SYNCRIP: variants seen among roughly 807,000 people sequenced by gnomAD.
SYNCRIP encodes the protein heterogeneous nuclear ribonucleoprotein Q.
In SYNCRIP, 9 loss-of-function variants were observed where a neutral mutation model predicts 68.9. That is an observed-to-expected ratio of 0.13 (90% CI 0.08 to 0.23). SYNCRIP has a LOEUF of 0.23. Among genes scored for constraint, SYNCRIP ranks in the 10% least tolerant of loss-of-function variants. The probability of loss-of-function intolerance (pLI) is 1.00; values close to 1 mark genes in which losing one functional copy is unlikely to be tolerated. For synonymous variants in SYNCRIP, 258 were observed against 254.0 expected (o/e 1.02, Z -0.15); for missense variants, 414 against 770.6 (o/e 0.54, Z 5.48).
intron 6 of SYNCRIP, among the ~76,000 whole-genome samples, chr6:85,635,103 T>C (rs907980990): frequency 6.6e-6 from 1 of 152,046 alleles, no homozygotes; most frequent in African/African-American, 2.4e-5. Context: ...AGGCAGAGAT[T>C]ACAGTGAGCC....
At position 85,614,578 on chromosome 6, in the gene SYNCRIP, A is replaced by C; in HGVS notation, c.*178T>G. ...TTTATTGAAAAAAATTAAAAATAAA[A>C]TCAGTTCGCCAGAAGCAGTTAGAAG... On this transcript the variant is annotated 3_prime_UTR_variant, in exon 11 of 11. Transcript: ENST00000369622. 7.8e-7 allele frequency: 1 copy of C among 1,290,130 alleles called. No homozygotes were observed. The highest frequency in any genetic ancestry group is 1.5e-5 in the African/African-American group (1 of 65,234). 79.9% of individuals were successfully genotyped at this position (1,290,130 alleles called of 1,614,324 possible). A position where few individuals can be genotyped will look rare whatever the true frequency, so the allele number is the denominator to read the frequency against.
At chr6:85,627,128 A>G (rs978418521) in intron 6 of SYNCRIP, among the ~76,000 whole-genome samples, 1 of 151,838 alleles carries the variant, frequency 6.6e-6, no homozygotes, top group Non-Finnish European at 1.5e-5. Context: ...ATTAGCCGGG[A>G]GTGGTGGCAG....
In SYNCRIP at chr6:85,615,021, C is replaced by G; in HGVS notation, c.1607G>C (p.Arg536Pro). 6.2e-7 allele frequency: 1 copy of G among 1,613,912 alleles called. No homozygotes were observed. Among genetic ancestry groups the G allele is most frequent in the Non-Finnish European group, 8.5e-7 (1 of 1,179,926 alleles). The change falls in exon 11 of 11, where the codon CGA becomes CCA. Residue 536 changes from arginine to proline, a missense_variant. Coordinates refer to ENST00000369622, the MANE Select transcript of SYNCRIP (RefSeq NM_006372.5). ...TTGTTGGGCACCTCCTCTCGCACCT[C>G]GAACGCCTCTTGCTGATCCAGGACC... is the stretch of plus-strand genomic sequence containing the variant. ...RGGPGSARGV[R>P]GARGGAQQQR...
intron 4 of SYNCRIP, among the ~76,000 whole-genome samples, chr6:85,639,470 C>T (rs1282012065): frequency 6.6e-6 from 1 of 152,114 alleles, no homozygotes; most frequent in African/African-American, 2.4e-5. Context: ...CTCCATATAC[C>T]AACCTTTTCC....
At chr6:85,607,934 A>T (rs1167333676), downstream of SYNCRIP, 1 of 152,120 alleles carries the variant, frequency 6.6e-6, no homozygotes, top group African/African-American at 2.4e-5. Context: ...TGACCTAAAA[A>T]GTCTTGTCCT....
intron 2 of SYNCRIP, among the ~76,000 whole-genome samples, chr6:85,640,802 T>C (rs775202133): frequency 1.3e-5 from 2 of 152,116 alleles, no homozygotes; most frequent in Admixed American, 6.5e-5. Context: ...ATCTCCAAAG[T>C]CTGATAACTC....
At chr6:85,621,739 G>A (rs985596854) in intron 8 of SYNCRIP, among the ~76,000 whole-genome samples, 1 of 152,088 alleles carries the variant, frequency 6.6e-6, no homozygotes, top group Non-Finnish European at 1.5e-5. Flanking sequence ...CTGAAGTCAG[G>A]ATACCTAATA....
downstream of SYNCRIP, chr6:85,611,795 C>T (rs200123336): frequency 9.2e-5 from 14 of 152,670 alleles, no homozygotes; most frequent in East Asian, 2.7e-3. Context: ...AAGAAATGCA[C>T]TAATGAAACA....
At chr6:85,623,581 A>AAAAAAC (rs1562087833) in intron 7 of SYNCRIP, among the ~76,000 whole-genome samples, 1 of 150,912 alleles carries the variant, frequency 6.6e-6, no homozygotes, top group Non-Finnish European at 1.5e-5. Context: ...AAAAAAAAAA[A>AAAAAAC]AACACTCTGC....
chr6:85,629,877 G>A lies in SYNCRIP; in HGVS notation c.667-5765C>T, dbSNP rs544300713. ...CGGGCTCCTGTAGTCCCAGCTACTC[G>A]GGAGGCCGAGGCAGCAGAATCTCCT... is the stretch of plus-strand genomic sequence containing the variant. On this transcript the variant is annotated intron_variant, in intron 6 of 10. Coordinates refer to ENST00000369622, the MANE Select transcript of SYNCRIP (RefSeq NM_006372.5). Among the ~76,000 whole-genome samples the A allele has an allele frequency of 2.0e-3, 306 of 151,950 alleles. 1 individual carries two copies. Among genetic ancestry groups the A allele is most frequent in the Middle Eastern group, 6.8e-3 (2 of 294 alleles).
chr6:85,638,077 A>T (rs935717429), intron 4 of SYNCRIP, among the ~76,000 whole-genome samples: 2 of 152,174 alleles, frequency 1.3e-5, no homozygotes, highest in Non-Finnish European at 2.9e-5. Flanking sequence ...TAGGCAAAGT[A>T]TAGAAAGAAG....
At chr6:85,640,669 C>T (rs1189416438) in intron 2 of SYNCRIP, 105 bp from the exon 3 acceptor site, 3 of 605,616 alleles carry the variant, frequency 5.0e-6, no homozygotes, top group Non-Finnish European at 8.2e-6. Flanking sequence ...AATTCTTCTA[C>T]TCCCCTCATC....
rs759806623 is a variant in SYNCRIP at position 85,637,278 on chromosome 6, C to G, written c.454G>C (p.Val152Leu). The G allele has an allele frequency of 1.2e-6, 2 of 1,614,036 alleles. No homozygotes were observed. Among genetic ancestry groups the G allele is most frequent in the African/African-American group, 2.7e-5 (2 of 74,938 alleles). ...RKYGGPPPDS[V>L]YSGQQPSVGT... ...ACAGAAGGCTGCTGACCTGAATAAACGGAATCTGGAGGTGGTCCTCCATAC... is the reference window on the plus strand; with the variant it reads ...ACAGAAGGCTGCTGACCTGAATAAAGGGAATCTGGAGGTGGTCCTCCATAC... The change falls in exon 5 of 11, where the codon GTT (valine) becomes CTT (leucine). Residue 152 changes from valine (V) to leucine (L), a missense_variant. Physicochemically the swap from Val to Leu is conservative, Grantham distance 32. Around this residue, in one of 6 missense-constraint regions of SYNCRIP, gnomAD observed 110 missense variants for 269.3 expected, o/e 0.41. Coordinates refer to ENST00000369622, the MANE Select transcript of SYNCRIP (RefSeq NM_006372.5).
intron 7 of SYNCRIP, among the ~76,000 whole-genome samples, chr6:85,623,579 A>AAAAACAAAAAAAAAAAC (rs1554184895): frequency 2.4e-5 from 3 of 125,874 alleles, no homozygotes; most frequent in South Asian, 2.5e-4. Flanking sequence ...AAAAAAAAAA[A>AAAAACAAAAAAAAAAAC]AAAACACTCT....
Position 85,614,765 on chromosome 6 carries a change from C to G in SYNCRIP, c.1863G>C (p.Gln621His), listed in dbSNP as rs774784873. The G allele has an allele frequency of 1.3e-5, 21 of 1,592,790 alleles. No homozygotes were observed. Among genetic ancestry groups the G allele is most frequent in the Non-Finnish European group, 1.6e-5 (19 of 1,170,674 alleles). ...QEFYQDTFGQ[Q>H]WK ...AGAGGCCCTACTGTTTCTACTTCCA[C>G]TGTTGCCCAAAAGTATCCTGATAAA... Residue 621 changes from glutamine (Q) to histidine (H), a missense_variant, in exon 11 of 11, where the codon CAG (glutamine) becomes CAC (histidine). Gln to His is a conservative substitution (Grantham distance 24, BLOSUM62 0). Around this residue, in one of 6 missense-constraint regions of SYNCRIP, gnomAD observed 130 missense variants for 149.0 expected, o/e 0.87. Coordinates refer to ENST00000369622, the MANE Select transcript of SYNCRIP (RefSeq NM_006372.5).
Position 85,623,974 on chromosome 6 carries a change from T to C in SYNCRIP, c.802+3A>G, listed in dbSNP as rs1562088520. On this transcript the variant is annotated splice_donor_region_variant and intron_variant, in intron 7 of 10. Coordinates refer to ENST00000369622, the MANE Select transcript of SYNCRIP (RefSeq NM_006372.5). The stretch of plus-strand genomic sequence containing the variant: ...CACCTCATTCCAAATAAATCCAACT[T>C]ACCTGTTACTTTGCTAAATTCTTCA... 6.2e-7 allele frequency: 1 copy of C among 1,613,612 alleles called. No individual in the cohort carries two copies. The highest frequency in any genetic ancestry group is 2.2e-5 in the East Asian group (1 of 44,804).
chr6:85,607,796 T>G (rs1484880634), downstream of SYNCRIP: 3 of 152,100 alleles, frequency 2.0e-5, no homozygotes, highest in Non-Finnish European at 4.4e-5. Flanking sequence ...ATTTCCAAAA[T>G]GGTTTATTAG....
At chr6:85,628,193 C>T (rs1807283492) in intron 6 of SYNCRIP, among the ~76,000 whole-genome samples, 1 of 151,992 alleles carries the variant, frequency 6.6e-6, no homozygotes, top group Non-Finnish European at 1.5e-5. Context: ...GTAGCTGGGA[C>T]CACAGGCGTG....
downstream of SYNCRIP, chr6:85,613,066 C>T: frequency 1.1e-6 from 1 of 934,066 alleles, no homozygotes; most frequent in Non-Finnish European, 1.5e-6. Context: ...CCTTTAATAA[C>T]TATGAACTTC....
Sources: gnomAD v4.1 joint callset for allele counts (sites outside exome capture counted in the v4.1 genomes callset) on GRCh38, gnomAD v4.1.1 for gene constraint, gnomAD v4.1.1 regional missense constraint, MANE v1.5 for transcripts, NCBI Gene and HGNC (gene_info 2026-07-23, HGNC 2026-07-21) for gene names.